OSBPL5: variants seen among roughly 807,000 people sequenced by gnomAD.
The protein encoded by OSBPL5 is oxysterol binding protein like 5.
OSBPL5 carries 71 observed loss-of-function variants against 111.2 expected under a neutral mutation model. The ratio of observed to expected loss-of-function variants is 0.64; its 90% confidence interval spans 0.53 to 0.78. The LOEUF (loss-of-function observed/expected upper bound fraction) is 0.78. Ranked by LOEUF, OSBPL5 falls within the 30% of genes least tolerant of loss-of-function variation. The pLI is 0.00. For synonymous variants in OSBPL5, 549 were observed against 513.9 expected (o/e 1.07, Z -0.93); for missense variants, 1,210 against 1,189.3 (o/e 1.02, Z -0.26).
rs1846975011 is a variant in OSBPL5 at position 3,161,788 on chromosome 11, G to C, written c.-22+3428C>G. Among the ~76,000 whole-genome samples, 1 of 152,184 alleles carries C rather than the reference G, an allele frequency of 6.6e-6. No individual in the cohort carries two copies. Among genetic ancestry groups the C allele is most frequent in the Non-Finnish European group, 1.5e-5 (1 of 68,026 alleles). ...AAACACAGAGCTGAGAGCTGCTTTG[G>C]AATGGGTAACGGGCCAGGAACAGAG... is the stretch of plus-strand genomic sequence containing the variant. On this transcript the variant is annotated intron_variant, in intron 1 of 21. Transcript: ENST00000263650. This position sits in a 1 kb window ranked among gnomAD's most constrained non-coding sequence, Gnocchi z 8.0.
chr11:3,156,515 C>T (rs1282762077), intron 1 of OSBPL5, among the ~76,000 whole-genome samples: 3 of 152,016 alleles, frequency 2.0e-5, no homozygotes, highest in Admixed American at 2.0e-4. Context: ...GGAGTGTGAG[C>T]CTGGAAACCC....
At chr11:3,131,880 C>CCCT (rs1845814026) in intron 1 of OSBPL5, among the ~76,000 whole-genome samples, 1 of 76,668 alleles carries the variant, frequency 1.3e-5, no homozygotes, top group East Asian at 4.3e-4. Flanking sequence ...CATCCATCCA[C>CCCT]CCATCCACCC....
In OSBPL5 at chr11:3,104,488, G is replaced by GTA. The variant is rs1292804699; in HGVS notation, c.1060-113_1060-112dup. 1 of 1,227,110 alleles carries GTA rather than the reference G, an allele frequency of 8.1e-7. No homozygotes were observed. Among genetic ancestry groups the GTA allele is most frequent in the African/African-American group, 1.5e-5 (1 of 65,160 alleles). The allele number at this position is 1,227,110 out of a possible 1,614,324, so 76.0% of individuals were successfully genotyped here. On this transcript the variant is annotated intron_variant, in intron 9 of 21. Transcript: ENST00000263650. The surrounding 1 kb of genome is among the most constrained non-coding windows in gnomAD (Gnocchi z 5.0). ...GGCTGTACCTGCCACCCCTTAGGGT[G>GTA]TAAACCCCTGACCTGGCCTCCATGG...
intron 6 of OSBPL5, 55 bp downstream of exon 6, chr11:3,120,366 A>G: frequency 6.4e-7 from 1 of 1,557,722 alleles, no homozygotes; most frequent in South Asian, 1.2e-5. Context: ...GGCCCTAGGA[A>G]TGAGCCCCTT....
chr11:3,136,321 G>C (rs1845947572), intron 1 of OSBPL5, among the ~76,000 whole-genome samples: 1 of 152,258 alleles, frequency 6.6e-6, no homozygotes, highest in Admixed American at 6.5e-5. Context: ...CTTCAGGCTA[G>C]GATAAAGGGA....
At chr11:3,134,153 A>G (rs780288545) in intron 1 of OSBPL5, among the ~76,000 whole-genome samples, 37 of 152,302 alleles carry the variant, frequency 2.4e-4, no homozygotes, top group African/African-American at 8.7e-4. Context: ...TGCAGCTTCC[A>G]TTCCTGGGGG....
intron 3 of OSBPL5, among the ~76,000 whole-genome samples, chr11:3,123,441 A>G (rs568680452): frequency 6.6e-6 from 1 of 152,350 alleles, no homozygotes. Context: ...TTCTTGGCAC[A>G]TGGCCAGGCG....
At position 3,092,043 on chromosome 11, in the gene OSBPL5, C is replaced by T. The variant is rs910427896; in HGVS notation, c.2259+389G>A. Among the ~76,000 whole-genome samples the T allele has an allele frequency of 1.3e-5, 2 of 152,154 alleles. No individual in the cohort carries two copies. The highest frequency in any genetic ancestry group is 2.4e-5 in the African/African-American group (1 of 41,434). On this transcript the variant is annotated intron_variant, in intron 19 of 21. Coordinates refer to ENST00000263650, the MANE Select transcript of OSBPL5 (RefSeq NM_020896.4). This position sits in a 1 kb window ranked among gnomAD's most constrained non-coding sequence, Gnocchi z 5.4. ...TGGAGCCTCCTGCTGTCCCGCTTCC[C>T]CTTTCCAGACACAAGATCTGTGCAA...
At position 3,092,380 on chromosome 11, in the gene OSBPL5, G is replaced by A; in HGVS notation, c.2259+52C>T. On this transcript the variant is annotated intron_variant, in intron 19 of 21. Coordinates refer to ENST00000263650, the MANE Select transcript of OSBPL5 (RefSeq NM_020896.4). This position sits in a 1 kb window ranked among gnomAD's most constrained non-coding sequence, Gnocchi z 5.4. ...GAGGTGAGGAGCGAGGGGTGGTGGTGGCCACACGTGCAGCTAAGACCAGCC... is the reference window on the plus strand; with the variant it reads ...GAGGTGAGGAGCGAGGGGTGGTGGTAGCCACACGTGCAGCTAAGACCAGCC... The A allele has an allele frequency of 1.3e-6, 2 of 1,515,412 alleles. No homozygotes were observed. The highest frequency in any genetic ancestry group is 4.1e-5 in the Admixed American group (2 of 49,306). 93.9% of individuals were successfully genotyped at this position (1,515,412 alleles called of 1,614,324 possible). A position where few individuals can be genotyped will look rare whatever the true frequency, so the allele number is the denominator to read the frequency against.
chr11:3,147,965 A>G (rs946453756), intron 1 of OSBPL5, among the ~76,000 whole-genome samples: 19 of 152,082 alleles, frequency 1.2e-4, no homozygotes, highest in African/African-American at 3.4e-4. Flanking sequence ...CTCTGGGGCC[A>G]CTAGCTGGGC....
chr11:3,113,480 C>T lies in OSBPL5; in HGVS notation c.692-5535G>A, dbSNP rs556504884. On this transcript the variant is annotated intron_variant, in intron 7 of 21. Transcript: ENST00000263650. This position sits in a 1 kb window ranked among gnomAD's most constrained non-coding sequence, Gnocchi z 4.8. ...GACCAGTCTGGCCAACATAGTGAAA[C>T]CCCATCTCTACTAAAAATACAAAAA... 1.8e-4 allele frequency among the ~76,000 whole-genome samples: 28 copies of T among 152,142 alleles called. No individual in the cohort carries two copies. The highest frequency in any genetic ancestry group is 1.1e-3 in the Admixed American group (17 of 15,280).
At chr11:3,103,859 C>CAGTCCCTTCCTGCCTCT (rs1564830734) in intron 10 of OSBPL5, among the ~76,000 whole-genome samples, 2 of 40,586 alleles carry the variant, frequency 4.9e-5, no homozygotes, top group African/African-American at 6.5e-5. Flanking sequence ...TTCCAGTCTG[C>CAGTCCCTTCCTGCCTCT]GCAGCCCCCT....
In OSBPL5 at chr11:3,092,333, G is replaced by A. The variant is rs1357399216; in HGVS notation, c.2259+99C>T. Reference sequence around the variant, plus strand: ...TGGGGGATGAGGGCGTGAGGGAAACGGAGCGAGGGGAAGGGAGGAGTGAGG... The same window carrying A: ...TGGGGGATGAGGGCGTGAGGGAAACAGAGCGAGGGGAAGGGAGGAGTGAGG... On this transcript the variant is annotated intron_variant, in intron 19 of 21. Coordinates refer to ENST00000263650, the MANE Select transcript of OSBPL5 (RefSeq NM_020896.4). The surrounding 1 kb of genome is among the most constrained non-coding windows in gnomAD (Gnocchi z 5.4). 19 of 1,412,352 alleles carry A rather than the reference G, an allele frequency of 1.3e-5. No individual in the cohort carries two copies. The highest frequency in any genetic ancestry group is 2.6e-5 in the Admixed American group (1 of 37,818). 87.5% of individuals were successfully genotyped at this position (1,412,352 alleles called of 1,614,324 possible).
intron 4 of OSBPL5, 44 bp downstream of exon 4, chr11:3,122,304 G>T: frequency 6.3e-7 from 1 of 1,589,690 alleles, no homozygotes; most frequent in Non-Finnish European, 8.6e-7. Context: ...GTGGCCGTCG[G>T]TCTGACAGTG....
chr11:3,109,614 G>A lies in OSBPL5; in HGVS notation c.692-1669C>T, dbSNP rs557242717. Among the ~76,000 whole-genome samples the A allele has an allele frequency of 7.2e-5, 11 of 152,190 alleles. No individual in the cohort carries two copies. The South Asian group carries it at 1.7e-3, about 23-fold the overall frequency. ...CAGTGGCTCCTGGGTCTCTAGAGCT[G>A]CCCTTCTCATTGGGTTGGGGGGATA... On this transcript the variant is annotated intron_variant, in intron 7 of 21. Coordinates refer to ENST00000263650, the MANE Select transcript of OSBPL5 (RefSeq NM_020896.4). The surrounding 1 kb of genome is among the most constrained non-coding windows in gnomAD (Gnocchi z 7.4).
At chr11:3,143,370 A>C (rs1352124727) in intron 1 of OSBPL5, among the ~76,000 whole-genome samples, 2 of 152,150 alleles carry the variant, frequency 1.3e-5, no homozygotes, top group African/African-American at 4.8e-5. Flanking sequence ...ACCCAAGAGA[A>C]ACAAGCACAC....
chr11:3,107,693 G>A lies in OSBPL5; in HGVS notation c.866+78C>T. ...GCAGCCCACCAGAGCAGTGGCTGGG[G>A]CTGTCCTCTCCCCTCTTCCTCGCCT... On this transcript the variant is annotated intron_variant, in intron 8 of 21. Coordinates refer to ENST00000263650, the MANE Select transcript of OSBPL5 (RefSeq NM_020896.4). This position sits in a 1 kb window ranked among gnomAD's most constrained non-coding sequence, Gnocchi z 6.1. 1.9e-6 allele frequency: 3 copies of A among 1,553,334 alleles called. No individual in the cohort carries two copies. The South Asian group carries it at 3.5e-5, about 18-fold the overall frequency.
Position 3,090,707 on chromosome 11 carries a change from A to G in OSBPL5, c.2260-11T>C, listed in dbSNP as rs1857027740. 3 of 1,606,508 alleles carry G rather than the reference A, an allele frequency of 1.9e-6. No individual in the cohort carries two copies. Among genetic ancestry groups the G allele is most frequent in the Non-Finnish European group, 2.5e-6 (3 of 1,177,014 alleles). ...GTCTGGGCCAGACCTCTGCAGAGAA[A>G]TGGAGCTGCTGCAGCTGAAAGCCAC... On this transcript the variant is annotated splice_polypyrimidine_tract_variant and intron_variant, in intron 19 of 21. Transcript: ENST00000263650.
intron 1 of OSBPL5, 74 bp from the exon 2 acceptor site, chr11:3,129,243 C>A: frequency 7.7e-7 from 1 of 1,306,804 alleles, no homozygotes; most frequent in South Asian, 1.9e-5. Flanking sequence ...GGTGGGGGTG[C>A]CCCTGGCTAA....
Sources: gnomAD v4.1 joint callset for allele counts (sites outside exome capture counted in the v4.1 genomes callset) on GRCh38, gnomAD v4.1.1 for gene constraint, Gnocchi (gnomAD v3.1) non-coding constraint, MANE v1.5 for transcripts, NCBI Gene and HGNC (gene_info 2026-07-23, HGNC 2026-07-21) for gene names.